Variants in FAM177A1 observed in about 807,000 individuals in gnomAD.
The protein encoded by FAM177A1 is protein FAM177A1.
In FAM177A1, 22 loss-of-function variants were observed where a neutral mutation model predicts 26.1. The ratio of observed to expected loss-of-function variants is 0.84; its 90% confidence interval spans 0.60 to 1.20. The LOEUF is 1.20. Ranked by LOEUF, FAM177A1 falls within the 50% of genes most tolerant of loss-of-function variation. FAM177A1 has a pLI of 0.00. For synonymous variants in FAM177A1, 95 were observed against 99.3 expected (o/e 0.96, Z 0.26); for missense variants, 296 against 291.1 (o/e 1.02, Z -0.12).
chr14:35,061,626 G>T (rs1322507797), intron 2 of FAM177A1, among the ~76,000 whole-genome samples: 3 of 87,830 alleles, frequency 3.4e-5, no homozygotes, highest in Non-Finnish European at 6.3e-5. Flanking sequence ...GGTGGGGGGA[G>T]GGGGGAGGGA....
chr14:35,045,490 C>A (rs750505185), upstream of FAM177A1, among the ~76,000 whole-genome samples: 1 of 152,140 alleles, frequency 6.6e-6, no homozygotes, highest in Non-Finnish European at 1.5e-5. Context: ...CTTTAGGGAG[C>A]ATTTCTGAAT....
chr14:35,061,447 T>A (rs1156714085), intron 2 of FAM177A1, among the ~76,000 whole-genome samples: 1 of 147,234 alleles, frequency 6.8e-6, no homozygotes, highest in Non-Finnish European at 1.5e-5. Context: ...GGAGGTGGGG[T>A]CAGTAGCTTT....
chr14:35,048,888 A>C (rs1398580198), intron 1 of FAM177A1, among the ~76,000 whole-genome samples: 1 of 148,190 alleles, frequency 6.7e-6, no homozygotes, highest in East Asian at 2.0e-4. Context: ...CTGTTGTGAC[A>C]TTCTTTTTTT....
At chr14:35,048,739 CAGG>C (rs929843550) in intron 1 of FAM177A1, among the ~76,000 whole-genome samples, 6 of 151,948 alleles carry the variant, frequency 3.9e-5, no homozygotes, top group Admixed American at 2.0e-4. Context: ...GTGGACATCT[CAGG>C]AGATGGAGAG....
rs537099365 is a variant in FAM177A1, at chr14:35,055,549, T to C, written c.339+2098T>C. 8.6e-5 allele frequency among the ~76,000 whole-genome samples: 13 copies of C among 151,086 alleles called. No individual in the cohort carries two copies. In the South Asian group the frequency reaches 2.8e-3, roughly 32 times the overall value. ...CCTGGGTTTAAGCGATTCTCGTGCC[T>C]CAGCCTCCCAAGTAGCTGGGATTGC... On this transcript the variant is annotated intron_variant, in intron 2 of 4. Coordinates refer to ENST00000280987, the MANE Select transcript of FAM177A1 (RefSeq NM_173607.5).
At chr14:35,052,180 A>G (rs893312127) in intron 1 of FAM177A1, among the ~76,000 whole-genome samples, 1 of 151,980 alleles carries the variant, frequency 6.6e-6, no homozygotes, top group African/African-American at 2.4e-5. Flanking sequence ...CACTGTTGCC[A>G]GATTTTTCTT....
chr14:35,060,275 A>G (rs576930311), intron 2 of FAM177A1, among the ~76,000 whole-genome samples: 4 of 151,912 alleles, frequency 2.6e-5, no homozygotes, highest in African/African-American at 9.7e-5. Flanking sequence ...GCGCCTGGCC[A>G]GTTTTTGTTT....
rs757687036 is a variant in FAM177A1 at position 35,046,473 on chromosome 14, G to T, written c.10G>T (p.Gly4Cys). MEVGLPAITLFLTS... is the reference protein window; with the variant it reads MEVCLPAITLFLTS... Reference sequence around the variant, plus strand: ...GGCGGGGAGACCAAGGATGGAAGTGGGCTTACCGGCCATTACCCTCTTTCT... The same window carrying T: ...GGCGGGGAGACCAAGGATGGAAGTGTGCTTACCGGCCATTACCCTCTTTCT... Residue 4 changes from glycine (G) to cysteine (C), a missense_variant, in exon 1 of 5, where the codon GGC becomes TGC. Transcript: ENST00000280987. 3.2e-6 allele frequency: 5 copies of T among 1,587,038 alleles called. No homozygotes were observed. In the Admixed American group the frequency reaches 5.2e-5, roughly 17 times the overall value.
At chr14:35,070,155 T>TAAAA (rs2045299089) in intron 2 of FAM177A1, among the ~76,000 whole-genome samples, 1 of 114,706 alleles carries the variant, frequency 8.7e-6, no homozygotes, top group Non-Finnish European at 1.8e-5. Flanking sequence ...AAAAAAGAAG[T>TAAAA]GAAGACCTAG....
intron 1 of FAM177A1, chr14:35,050,179 G>C (rs1248809430): frequency 6.6e-6 from 1 of 151,930 alleles, no homozygotes; most frequent in Non-Finnish European, 1.5e-5. Flanking sequence ...GCTAATTTTT[G>C]TATTTTTTTA....
chr14:35,076,082 C>T (rs2045390754), intron 2 of FAM177A1, among the ~76,000 whole-genome samples: 1 of 152,122 alleles, frequency 6.6e-6, no homozygotes, highest in African/African-American at 2.4e-5. Flanking sequence ...CTCAGCCATC[C>T]CATTACTGGG....
At chr14:35,074,344 G>C (rs1243859298) in intron 2 of FAM177A1, among the ~76,000 whole-genome samples, 1 of 151,772 alleles carries the variant, frequency 6.6e-6, no homozygotes, top group Non-Finnish European at 1.5e-5. Context: ...TATTTATTTA[G>C]AGATGGAGTC....
At chr14:35,058,957 G>A (rs1416962334) in intron 2 of FAM177A1, among the ~76,000 whole-genome samples, 1 of 151,420 alleles carries the variant, frequency 6.6e-6, no homozygotes, top group African/African-American at 2.4e-5. Flanking sequence ...TTTTTTTTTG[G>A]GACGGAGTCA....
chr14:35,071,146 G>A (rs889910503), intron 2 of FAM177A1, among the ~76,000 whole-genome samples: 3 of 151,924 alleles, frequency 2.0e-5, no homozygotes, highest in African/African-American at 7.2e-5. Flanking sequence ...ACAGGCACCT[G>A]CCACCACGCC....
intron 4 of FAM177A1, among the ~76,000 whole-genome samples, chr14:35,079,743 C>T (rs2045450851): frequency 6.6e-6 from 1 of 152,010 alleles, no homozygotes; most frequent in African/African-American, 2.4e-5. Context: ...ACCTAGTGAG[C>T]ACAACAAATA....
Position 35,081,057 on chromosome 14 carries a change from A to T in FAM177A1, c.540A>T (p.Glu180Asp), listed in dbSNP as rs147726300. ...AAGAAGAAGAAAACAGGATGTCTGA[A>T]GAAGCAGAAAAACAATATCAACAGA... Reference protein sequence around the residue: ...EEEEEENRMSEEAEKQYQQNK... With the variant: ...EEEEEENRMSDEAEKQYQQNK... The change falls in exon 5 of 5, where the codon GAA (glutamate) becomes GAT (aspartate). Residue 180 changes from glutamate to aspartate, a missense_variant. Glu to Asp is a conservative substitution (Grantham distance 45). Transcript: ENST00000280987. 39 of 1,612,076 alleles carry T rather than the reference A, an allele frequency of 2.4e-5. No homozygotes were observed. Among genetic ancestry groups the T allele is most frequent in the Non-Finnish European group, 3.1e-5 (36 of 1,179,374 alleles).
chr14:35,080,922 T>C, intron 4 of FAM177A1, 100 bp from the exon 5 acceptor site: 1 of 1,379,604 alleles, frequency 7.2e-7, no homozygotes. Context: ...CTTTTTTTTT[T>C]TTTTTTTTTT....
chr14:35,080,355 C>T lies in FAM177A1; in HGVS notation c.505-667C>T, dbSNP rs74758516. Among the ~76,000 whole-genome samples, 430 of 152,176 alleles carry T rather than the reference C, an allele frequency of 2.8e-3. 1 individual carries two copies. Among genetic ancestry groups the T allele is most frequent in the African/African-American group, 9.8e-3 (405 of 41,522 alleles). On this transcript the variant is annotated intron_variant, in intron 4 of 4. Coordinates refer to ENST00000280987, the MANE Select transcript of FAM177A1 (RefSeq NM_173607.5). ...TAGTAAATGAACCAACCTATTCAAC[C>T]GAATAGACTGACACCCTACAATTGA...
chr14:35,060,489 A>G (rs778156160), intron 2 of FAM177A1, among the ~76,000 whole-genome samples: 28 of 150,992 alleles, frequency 1.9e-4, no homozygotes, highest in Non-Finnish European at 2.9e-4. Context: ...TTCCCTATGT[A>G]TGGGTCATAC....
Sources: allele counts gnomAD v4.1 joint callset (sites outside exome capture counted in the v4.1 genomes callset), GRCh38; gene constraint gnomAD v4.1.1; transcripts MANE v1.5; gene names NCBI Gene and HGNC (gene_info 2026-07-23, HGNC 2026-07-21).